Variants in ZNF277 observed in about 807,000 individuals in gnomAD.
ZNF277 encodes the protein zinc finger protein 277, also known as nuclear receptor-interacting factor 4.
In ZNF277, 55 loss-of-function variants were observed where a neutral mutation model predicts 60.7. The ratio of observed to expected loss-of-function variants is 0.91; its 90% CI spans 0.73 to 1.13. ZNF277 has a LOEUF of 1.13. Ranked by LOEUF, ZNF277 falls within the 50% of genes most tolerant of loss-of-function variation. The pLI is 0.00. For synonymous variants in ZNF277, 178 were observed against 179.3 expected (o/e 0.99, Z 0.06); for missense variants, 510 against 523.0 (o/e 0.98, Z 0.24).
chr7:112,243,082 C>G (rs887010851), intron 1 of ZNF277, among the ~76,000 whole-genome samples: 2 of 151,898 alleles, frequency 1.3e-5, no homozygotes, highest in Non-Finnish European at 2.9e-5. Flanking sequence ...AAAGGACACC[C>G]TATTCGATCT....
chr7:112,256,738 G>T (rs569137949), intron 1 of ZNF277, among the ~76,000 whole-genome samples: 1 of 152,234 alleles, frequency 6.6e-6, no homozygotes, highest in Admixed American at 6.5e-5. Context: ...AAACCAGTGT[G>T]CTGGCCACAT....
intron 1 of ZNF277, among the ~76,000 whole-genome samples, chr7:112,283,740 C>A (rs1451576133): frequency 6.6e-6 from 1 of 151,892 alleles, no homozygotes; most frequent in Non-Finnish European, 1.5e-5. Flanking sequence ...ACAAGTGAAC[C>A]ACAGAGGAAT....
At chr7:112,231,886 GT>G (rs1822341372) in intron 1 of ZNF277, among the ~76,000 whole-genome samples, 1 of 151,776 alleles carries the variant, frequency 6.6e-6, no homozygotes, top group South Asian at 2.1e-4. Flanking sequence ...GTCATTTTGA[GT>G]GACAAATCTA....
At position 112,324,068 on chromosome 7, in the gene ZNF277, A is replaced by C. The variant is rs1386565228; in HGVS notation, c.558-3649A>C. Among the ~76,000 whole-genome samples, 5 of 152,352 alleles carry C rather than the reference A, an allele frequency of 3.3e-5. No homozygotes were observed. The East Asian group carries it at 9.6e-4, about 29-fold the overall frequency. On this transcript the variant is annotated intron_variant, in intron 5 of 11. Coordinates refer to ENST00000361822, the MANE Select transcript of ZNF277 (RefSeq NM_021994.3). Reference sequence around the variant, plus strand: ...TACATGCTTTTAAGGACCATTGTGAATGTGAAAAAATATAATACCAGTGCT... The same window carrying C: ...TACATGCTTTTAAGGACCATTGTGACTGTGAAAAAATATAATACCAGTGCT...
intron 9 of ZNF277, 110 bp downstream of exon 9, chr7:112,337,936 A>G: frequency 1.1e-6 from 1 of 883,740 alleles, no homozygotes; most frequent in South Asian, 1.6e-5. Flanking sequence ...TATTCCAACC[A>G]GAAGAGACAG....
chr7:112,256,892 C>A (rs1178074547), intron 1 of ZNF277, among the ~76,000 whole-genome samples: 1 of 152,064 alleles, frequency 6.6e-6, no homozygotes, highest in African/African-American at 2.4e-5. Context: ...CATTTTCATA[C>A]CCGTCCAAAA....
At chr7:112,220,011 T>G (rs1440665207) in intron 1 of ZNF277, among the ~76,000 whole-genome samples, 2 of 152,212 alleles carry the variant, frequency 1.3e-5, no homozygotes, top group Admixed American at 1.3e-4. Context: ...TTTGTTCTTT[T>G]TGCTCAACAT....
At chr7:112,322,512 T>A (rs115255973) in intron 5 of ZNF277, among the ~76,000 whole-genome samples, 2,603 of 152,058 alleles carry the variant, frequency 0.017, 81 homozygotes, top group African/African-American at 0.06. Flanking sequence ...GTTGTCTTTT[T>A]AAAAAAAATA....
At chr7:112,221,636 C>T (rs1299951952) in intron 1 of ZNF277, among the ~76,000 whole-genome samples, 3 of 152,186 alleles carry the variant, frequency 2.0e-5, no homozygotes, top group South Asian at 2.1e-4. Flanking sequence ...TGATGGGAGA[C>T]AGTGACAGAC....
At chr7:112,273,468 C>T (rs2117041816) in intron 1 of ZNF277, among the ~76,000 whole-genome samples, 1 of 152,306 alleles carries the variant, frequency 6.6e-6, no homozygotes, top group Non-Finnish European at 1.5e-5. Context: ...GACTGTCTTT[C>T]CTACCTTCTT....
chr7:112,300,538 G>A (rs1257947871), intron 4 of ZNF277, among the ~76,000 whole-genome samples: 1 of 152,140 alleles, frequency 6.6e-6, no homozygotes, highest in Non-Finnish European at 1.5e-5. Flanking sequence ...ATGCACATCT[G>A]TATAACTACC....
intron 2 of ZNF277, among the ~76,000 whole-genome samples, chr7:112,295,522 T>C (rs1432877630): frequency 1.3e-5 from 2 of 152,172 alleles, no homozygotes; most frequent in Admixed American, 1.3e-4. Flanking sequence ...TAATCGTTAT[T>C]GTATTTTAAA....
intron 2 of ZNF277, among the ~76,000 whole-genome samples, chr7:112,291,185 T>C (rs1225099553): frequency 6.6e-6 from 1 of 152,194 alleles, no homozygotes; most frequent in Non-Finnish European, 1.5e-5. Context: ...ATAAAATTGC[T>C]CTGGAAAATA....
At chr7:112,236,587 A>G (rs545601191) in intron 1 of ZNF277, among the ~76,000 whole-genome samples, 2 of 152,134 alleles carry the variant, frequency 1.3e-5, no homozygotes, top group Non-Finnish European at 2.9e-5. Context: ...CCCATGTTGT[A>G]CAATTCACAG....
At chr7:112,274,007 GCTTTATAGC>G (rs1791738392) in intron 1 of ZNF277, among the ~76,000 whole-genome samples, 1 of 150,428 alleles carries the variant, frequency 6.6e-6, no homozygotes, top group Admixed American at 6.6e-5. Context: ...ATCGAGTCTT[GCTTTATAGC>G]AATTATATAT....
chr7:112,337,302 T>G (rs916623311), intron 8 of ZNF277, among the ~76,000 whole-genome samples: 47 of 152,216 alleles, frequency 3.1e-4, no homozygotes, highest in Non-Finnish European at 2.9e-4. Context: ...TTTGCCTTTG[T>G]AAAATACACT....
intron 1 of ZNF277, among the ~76,000 whole-genome samples, chr7:112,249,107 C>T (rs938483427): frequency 6.6e-6 from 1 of 152,070 alleles, no homozygotes; most frequent in Non-Finnish European, 1.5e-5. Context: ...TAGTTGTGGT[C>T]CAAAAACTGT....
chr7:112,289,293 C>T (rs1266925626), intron 2 of ZNF277, among the ~76,000 whole-genome samples: 2 of 152,208 alleles, frequency 1.3e-5, no homozygotes, highest in African/African-American at 2.4e-5. Context: ...TCATCTCTGT[C>T]CTTATTGCCT....
chr7:112,266,786 C>T (rs1164937307), intron 1 of ZNF277, among the ~76,000 whole-genome samples: 2 of 151,924 alleles, frequency 1.3e-5, no homozygotes, highest in African/African-American at 2.4e-5. Context: ...TGGTTTTTTT[C>T]GGTTTCGAAA....
Sources: allele counts gnomAD v4.1 joint callset (sites outside exome capture counted in the v4.1 genomes callset), GRCh38; gene constraint gnomAD v4.1.1; transcripts MANE v1.5; gene names NCBI Gene and HGNC (gene_info 2026-07-23, HGNC 2026-07-21).